ACSS3: variants seen among roughly 807,000 people sequenced by gnomAD.
The protein encoded by ACSS3 is acyl-CoA synthetase short chain family member 3.
Under a neutral mutation model 84.2 loss-of-function variants are expected in ACSS3, and 64 were observed. The observed-to-expected ratio is 0.76, with a 90% CI of 0.62 to 0.94. The LOEUF (loss-of-function observed/expected upper bound fraction) is 0.94. Among genes scored for constraint, ACSS3 ranks in the 40% least tolerant of loss-of-function variants. The pLI is 0.00. For synonymous variants in ACSS3, 317 were observed against 310.1 expected (o/e 1.02, Z -0.23); for missense variants, 815 against 867.6 (o/e 0.94, Z 0.76).
chr12:81,187,156 A>C lies in ACSS3; in HGVS notation c.1251-12185A>C, dbSNP rs541711377. Reference sequence around the variant, plus strand: ...ATGTTAAATTTTAAAACAACAACAAAAAAAAATCAAAAATACAGATATACA... The same window carrying C: ...ATGTTAAATTTTAAAACAACAACAACAAAAAATCAAAAATACAGATATACA... On this transcript the variant is annotated intron_variant, in intron 8 of 15. Transcript: ENST00000548058. 3.3e-3 allele frequency among the ~76,000 whole-genome samples: 499 copies of C among 151,848 alleles called. 3 individuals are homozygous for C. The highest frequency in any genetic ancestry group is 0.024 in the Middle Eastern group (7 of 294).
rs1401586903 is a variant in ACSS3 at position 81,256,654 on chromosome 12, A to T, written c.*1732A>T. 1 of 152,204 alleles carries T rather than the reference A, an allele frequency of 6.6e-6. No individual in the cohort carries two copies. The highest frequency in any genetic ancestry group is 1.5e-5 in the Non-Finnish European group (1 of 68,026). 9.4% of individuals were successfully genotyped at this position (152,204 alleles called of 1,614,324 possible). ...TATGTGAGAGATAAATAGATAATAGAAAGTTTATTGTTATAAAAATGACCT... is the reference window on the plus strand; with the variant it reads ...TATGTGAGAGATAAATAGATAATAGTAAGTTTATTGTTATAAAAATGACCT... On this transcript the variant is annotated 3_prime_UTR_variant, in exon 16 of 16. Transcript: ENST00000548058.
Position 81,174,917 on chromosome 12 carries a change from G to C in ACSS3, c.1228G>C (p.Gly410Arg). The stretch of plus-strand genomic sequence containing the variant: ...TCAACAGGACCCTGGGGCAGCTTTG[G>C]GGAAGCAGTACTCTCTGACAAGGTG... The part of the protein sequence containing the change: ...IRQQDPGAAL[G>R]KQYSLTRFKT... Residue 410 changes from glycine (G) to arginine (R), a missense_variant, in exon 8 of 16, where the codon GGG becomes CGG. Coordinates refer to ENST00000548058, the MANE Select transcript of ACSS3 (RefSeq NM_024560.4). 1 of 1,613,958 alleles carries C rather than the reference G, an allele frequency of 6.2e-7. No individual in the cohort carries two copies. The highest frequency in any genetic ancestry group is 1.1e-5 in the South Asian group (1 of 91,078).
chr12:81,083,156 T>C (rs1279649328), intron 1 of ACSS3, among the ~76,000 whole-genome samples: 3 of 152,202 alleles, frequency 2.0e-5, no homozygotes, highest in Non-Finnish European at 4.4e-5. Context: ...TGGGACTTAC[T>C]TTCAGAAAAT....
At chr12:81,121,954 G>A (rs1408144563) in intron 2 of ACSS3, among the ~76,000 whole-genome samples, 1 of 124,254 alleles carries the variant, frequency 8.0e-6, no homozygotes, top group Admixed American at 7.3e-5. Flanking sequence ...ATTATTTTGA[G>A]ATGGAGTCTT....
rs2033762309 is a variant in ACSS3 at position 81,240,506 on chromosome 12, G to A, written c.1719+7035G>A. ...TTTTTGATCTACTCTCTGACATTCT[G>A]CCTTTTAATTGGTATATTTAGATCA... On this transcript the variant is annotated intron_variant, in intron 13 of 15. Coordinates refer to ENST00000548058, the MANE Select transcript of ACSS3 (RefSeq NM_024560.4). 2.0e-5 allele frequency among the ~76,000 whole-genome samples: 3 copies of A among 151,846 alleles called. No individual in the cohort carries two copies. The South Asian group carries it at 6.2e-4, about 32-fold the overall frequency.
chr12:81,136,041 T>G (rs1250836560), intron 3 of ACSS3, among the ~76,000 whole-genome samples: 1 of 152,142 alleles, frequency 6.6e-6, no homozygotes, highest in Non-Finnish European at 1.5e-5. Flanking sequence ...AACTGGGTAA[T>G]AAGTAATACT....
intron 13 of ACSS3, among the ~76,000 whole-genome samples, chr12:81,244,274 G>C (rs571480861): frequency 4.7e-4 from 71 of 151,714 alleles, no homozygotes; most frequent in Non-Finnish European, 9.4e-4. Context: ...CTCCACTCTG[G>C]CTTTCTCTAG....
At chr12:81,142,804 T>G (rs1886155474) in intron 4 of ACSS3, among the ~76,000 whole-genome samples, 1 of 152,244 alleles carries the variant, frequency 6.6e-6, no homozygotes, top group African/African-American at 2.4e-5. Context: ...AAACGTTATT[T>G]AAGCCATGAG....
intron 4 of ACSS3, among the ~76,000 whole-genome samples, chr12:81,142,593 C>T (rs1020013379): frequency 3.3e-5 from 5 of 152,128 alleles, no homozygotes; most frequent in Non-Finnish European, 2.9e-5. Flanking sequence ...TTCTTCCCTA[C>T]TCCTGAAGAA....
chr12:81,227,804 G>T (rs939483348), intron 11 of ACSS3, among the ~76,000 whole-genome samples: 2 of 151,740 alleles, frequency 1.3e-5, no homozygotes, highest in Admixed American at 6.6e-5. Context: ...TCTACAGGAC[G>T]ATTTGAATGA....
chr12:81,198,062 G>T (rs2031919625), intron 8 of ACSS3, among the ~76,000 whole-genome samples: 1 of 151,996 alleles, frequency 6.6e-6, no homozygotes, highest in African/African-American at 2.4e-5. Context: ...CCAGAATTTT[G>T]CCCTCCTCAG....
intron 13 of ACSS3, among the ~76,000 whole-genome samples, chr12:81,249,607 C>A (rs1593243225): frequency 6.6e-6 from 1 of 152,128 alleles, no homozygotes; most frequent in Non-Finnish European, 1.5e-5. Flanking sequence ...AGCTAAGATG[C>A]CTTGCCATTT....
intron 13 of ACSS3, among the ~76,000 whole-genome samples, chr12:81,236,896 C>T (rs1046524988): frequency 3.3e-5 from 5 of 151,202 alleles, no homozygotes; most frequent in Non-Finnish European, 4.4e-5. Flanking sequence ...CCACCTTACC[C>T]TAGGTCTTAT....
At chr12:81,135,371 T>TA (rs1885740957) in intron 3 of ACSS3, among the ~76,000 whole-genome samples, 2 of 143,116 alleles carry the variant, frequency 1.4e-5, no homozygotes, top group African/African-American at 5.2e-5. Flanking sequence ...ATATATCACA[T>TA]TATATATAAT....
chr12:81,216,970 C>G lies in ACSS3; in HGVS notation c.1424C>G (p.Ala475Gly), dbSNP rs2032941658. 2 of 1,610,442 alleles carry G rather than the reference C, an allele frequency of 1.2e-6. No individual in the cohort carries two copies. The highest frequency in any genetic ancestry group is 4.5e-5 in the East Asian group (2 of 44,758). ...GNSKTPPPGQ[A>G]GKSVPGYNVM... Reference sequence around the variant, plus strand: ...TCTAAAACACCTCCACCAGGGCAAGCAGGAAAAAGCGTCCCAGGATACAAT... The same window carrying G: ...TCTAAAACACCTCCACCAGGGCAAGGAGGAAAAAGCGTCCCAGGATACAAT... Residue 475 changes from alanine to glycine, a missense_variant, in exon 10 of 16, where the codon GCA (alanine) becomes GGA (glycine). Physicochemically the swap from Ala to Gly is moderately conservative, Grantham distance 60. Coordinates refer to ENST00000548058, the MANE Select transcript of ACSS3 (RefSeq NM_024560.4).
chr12:81,125,415 T>C (rs536992368), intron 2 of ACSS3, among the ~76,000 whole-genome samples: 1 of 152,334 alleles, frequency 6.6e-6, no homozygotes, highest in African/African-American at 2.4e-5. Context: ...TTAATTCCAA[T>C]AGGTGTTCAA....
Position 81,199,336 on chromosome 12 carries a change from T to C in ACSS3, c.1251-5T>C. 6.2e-7 allele frequency: 1 copy of C among 1,605,986 alleles called. No homozygotes were observed. Among genetic ancestry groups the C allele is most frequent in the Non-Finnish European group, 8.5e-7 (1 of 1,176,870 alleles). ...AATAATTTGAATTCACTGTCTCATA[T>C]TCAGGTTCAAAACATTATTTGTGGC... is the stretch of plus-strand genomic sequence containing the variant. On this transcript the variant is annotated splice_polypyrimidine_tract_variant and splice_region_variant and intron_variant, in intron 8 of 15. Transcript: ENST00000548058.
chr12:81,180,004 C>T (rs2135838925), intron 8 of ACSS3, among the ~76,000 whole-genome samples: 1 of 152,208 alleles, frequency 6.6e-6, no homozygotes, highest in South Asian at 2.1e-4. Context: ...CAGTGGTGGA[C>T]TGGATAAAGA....
intron 11 of ACSS3, among the ~76,000 whole-genome samples, chr12:81,229,342 T>C (rs1408450890): frequency 6.6e-6 from 1 of 151,896 alleles, no homozygotes; most frequent in East Asian, 1.9e-4. Context: ...TTATCTCTCT[T>C]TGTCCATATT....
Sources: allele counts gnomAD v4.1 joint callset (sites outside exome capture counted in the v4.1 genomes callset), GRCh38; gene constraint gnomAD v4.1.1; transcripts MANE v1.5; gene names NCBI Gene and HGNC (gene_info 2026-07-23, HGNC 2026-07-21).